Variants in LUZP2 observed in about 807,000 individuals in gnomAD.
The protein encoded by LUZP2 is leucine zipper protein 2.
In LUZP2, 52 loss-of-function variants were observed where a neutral mutation model predicts 51.6. The ratio of observed to expected loss-of-function variants is 1.01; its 90% confidence interval spans 0.81 to 1.27. The LOEUF is 1.27. LUZP2 is among the 50% of genes most tolerant of loss of function. The pLI, the probability that LUZP2 is intolerant of heterozygous loss-of-function variation, is 0.00. For missense variants in LUZP2, 436 were observed against 395.4 expected (o/e 1.10, Z -0.87); for synonymous variants, 154 against 137.3 (o/e 1.12, Z -0.85).
At chr11:24,772,820 T>C (rs542535501) in intron 5 of LUZP2, among the ~76,000 whole-genome samples, 1 of 152,302 alleles carries the variant, frequency 6.6e-6, no homozygotes, top group South Asian at 2.1e-4. Flanking sequence ...TCTGCTTCAG[T>C]ATTCGTATGC....
chr11:24,561,477 C>T (rs1852038966), intron 1 of LUZP2, among the ~76,000 whole-genome samples: 1 of 152,118 alleles, frequency 6.6e-6, no homozygotes, highest in Admixed American at 6.6e-5. Context: ...TGCTCCTTTT[C>T]ACTGTTCTTA....
At chr11:24,650,003 A>G (rs964755964) in intron 1 of LUZP2, among the ~76,000 whole-genome samples, 4 of 151,532 alleles carry the variant, frequency 2.6e-5, no homozygotes, top group African/African-American at 9.7e-5. Context: ...ACACACACAC[A>G]CACAGATAAC....
intron 5 of LUZP2, among the ~76,000 whole-genome samples, chr11:24,899,169 G>A (rs911979247): frequency 3.3e-5 from 5 of 151,906 alleles, no homozygotes; most frequent in African/African-American, 1.2e-4. Flanking sequence ...GACCTCATCA[G>A]GGATACCTTT....
intron 10 of LUZP2, among the ~76,000 whole-genome samples, chr11:25,069,123 C>T (rs539806537): frequency 1.4e-4 from 21 of 151,952 alleles, no homozygotes; most frequent in African/African-American, 3.6e-4. Context: ...TTGGTTTTGT[C>T]ACAAACTGTG....
Position 24,914,467 on chromosome 11 carries a change from G to T in LUZP2, c.460-9G>T. The T allele has an allele frequency of 6.3e-7, 1 of 1,596,476 alleles. No individual in the cohort carries two copies. The highest frequency in any genetic ancestry group is 1.1e-5 in the South Asian group (1 of 88,844). On this transcript the variant is annotated splice_polypyrimidine_tract_variant and intron_variant, in intron 6 of 11. Transcript: ENST00000336930. ...AGTTACACAACTTATCCATGTTTTT[G>T]CCTTACAGTCAAAAAAAATCCAAGC...
intron 1 of LUZP2, among the ~76,000 whole-genome samples, chr11:24,538,911 C>T (rs978652962): frequency 1.4e-5 from 2 of 144,342 alleles, no homozygotes; most frequent in Non-Finnish European, 3.0e-5. Flanking sequence ...AGATGGTGTC[C>T]ATGACACATA....
chr11:24,622,392 C>G (rs1160811786), intron 1 of LUZP2, among the ~76,000 whole-genome samples: 1 of 151,510 alleles, frequency 6.6e-6, no homozygotes, highest in African/African-American at 2.4e-5. Flanking sequence ...GTTTTTTTGT[C>G]CTTGCAATCA....
chr11:24,909,518 GAAGA>G lies in LUZP2; in HGVS notation c.459+3469_459+3472del, dbSNP rs200842744. Among the ~76,000 whole-genome samples the G allele has an allele frequency of 6.1e-3, 922 of 151,074 alleles. 16 individuals carry two copies. Among genetic ancestry groups the G allele is most frequent in the East Asian group, 0.054 (279 of 5,148 alleles). ...TTTGAGGGAAAAAAAAAAAACAAAAGAAGAAAGTCTGTTTTCCTGAGAAACCTGG... is the reference window on the plus strand; with the variant it reads ...TTTGAGGGAAAAAAAAAAAACAAAAGAAGTCTGTTTTCCTGAGAAACCTGG... On this transcript the variant is annotated intron_variant, in intron 6 of 11. Transcript: ENST00000336930.
chr11:24,967,988 T>G (rs970114728), intron 7 of LUZP2, among the ~76,000 whole-genome samples: 5 of 152,172 alleles, frequency 3.3e-5, no homozygotes, highest in Admixed American at 2.6e-4. Flanking sequence ...TTGAATATTT[T>G]TAATTGTTGT....
intron 9 of LUZP2, among the ~76,000 whole-genome samples, chr11:25,015,913 A>AT: frequency 8.6e-6 from 1 of 116,140 alleles, no homozygotes; most frequent in African/African-American, 3.8e-5. Flanking sequence ...TTTTTTTTGT[A>AT]TTTTTTACTT....
At chr11:24,556,510 T>A (rs969630378) in intron 1 of LUZP2, among the ~76,000 whole-genome samples, 3 of 152,070 alleles carry the variant, frequency 2.0e-5, no homozygotes, top group Non-Finnish European at 4.4e-5. Flanking sequence ...TACTTAATGA[T>A]GAAAAGAAAG....
chr11:24,894,491 T>A (rs2133764888), intron 5 of LUZP2, among the ~76,000 whole-genome samples: 1 of 152,192 alleles, frequency 6.6e-6, no homozygotes. Context: ...TTTCAACTTT[T>A]ATTATAGATT....
At chr11:24,623,844 A>G (rs1854588236) in intron 1 of LUZP2, among the ~76,000 whole-genome samples, 1 of 152,110 alleles carries the variant, frequency 6.6e-6, no homozygotes, top group South Asian at 2.1e-4. Context: ...GAGACCCCAT[A>G]TCAAAAATTA....
At chr11:24,558,948 GAT>G in intron 1 of LUZP2, among the ~76,000 whole-genome samples, 1 of 152,196 alleles carries the variant, frequency 6.6e-6, no homozygotes, top group Non-Finnish European at 1.5e-5. Flanking sequence ...CCCAGGCTCT[GAT>G]ATTTTTTAGC....
chr11:24,570,953 T>G (rs1408363623), intron 1 of LUZP2, among the ~76,000 whole-genome samples: 1 of 152,088 alleles, frequency 6.6e-6, no homozygotes, highest in East Asian at 1.9e-4. Context: ...AATACCTATG[T>G]TCAAATATTG....
chr11:24,752,969 A>T (rs984227717), intron 4 of LUZP2, among the ~76,000 whole-genome samples: 1 of 152,096 alleles, frequency 6.6e-6, no homozygotes, highest in Admixed American at 6.6e-5. Context: ...ATAGGAAAAT[A>T]CAGACAAAAG....
rs1854136422 is a variant in LUZP2 at position 24,611,885 on chromosome 11, A to C, written c.62+114580A>C. On this transcript the variant is annotated intron_variant, in intron 1 of 11. Coordinates refer to ENST00000336930, the MANE Select transcript of LUZP2 (RefSeq NM_001009909.4). This position sits in a 1 kb window ranked among gnomAD's most constrained non-coding sequence, Gnocchi z 4.6. ...CTGGTTGGAATATTAAAATAATCAC[A>C]GGAGATAATATAAATGTAGTCTTGA... Among the ~76,000 whole-genome samples, 1 of 152,218 alleles carries C rather than the reference A, an allele frequency of 6.6e-6. No individual in the cohort carries two copies. Among genetic ancestry groups the C allele is most frequent in the Non-Finnish European group, 1.5e-5 (1 of 68,028 alleles).
In LUZP2 at chr11:24,640,259, C is replaced by G. The variant is rs115756604; in HGVS notation, c.63-88910C>G. 1.1e-3 allele frequency among the ~76,000 whole-genome samples: 164 copies of G among 151,920 alleles called. 6 individuals are homozygous for G. Among genetic ancestry groups the G allele is most frequent in the African/African-American group, 3.9e-3 (159 of 41,266 alleles). On this transcript the variant is annotated intron_variant, in intron 1 of 11. Coordinates refer to ENST00000336930, the MANE Select transcript of LUZP2 (RefSeq NM_001009909.4). ...AGACTCCTGTGTATGTTTAGTCAAG[C>G]TGGGCGGAAAGTTAAGGGCATCTTG...
intron 1 of LUZP2, among the ~76,000 whole-genome samples, chr11:24,555,789 A>G (rs1851850734): frequency 6.6e-6 from 1 of 152,138 alleles, no homozygotes; most frequent in Non-Finnish European, 1.5e-5. Flanking sequence ...AGCTTGGGCA[A>G]CATAGTGAGA....
Sources: gnomAD v4.1 joint callset for allele counts (sites outside exome capture counted in the v4.1 genomes callset) on GRCh38, gnomAD v4.1.1 for gene constraint, Gnocchi (gnomAD v3.1) non-coding constraint, MANE v1.5 for transcripts, NCBI Gene and HGNC (gene_info 2026-07-23, HGNC 2026-07-21) for gene names.